Variants in GABRB2 observed in about 807,000 individuals in gnomAD.
GABRB2 encodes gamma-aminobutyric acid type A receptor subunit beta2, also known as gamma-aminobutyric acid receptor subunit beta-2.
Under a neutral mutation model 54.7 loss-of-function variants are expected in GABRB2, and 16 were observed. The observed-to-expected ratio is 0.29, with a 90% CI of 0.20 to 0.44. The LOEUF (loss-of-function observed/expected upper bound fraction) is 0.44, where lower values mean the gene tolerates loss of function less well. GABRB2 is among the 20% of genes least tolerant of loss of function. The pLI, the probability that GABRB2 is intolerant of heterozygous loss-of-function variation, is 1.00. For missense variants in GABRB2, 355 were observed against 644.0 expected (o/e 0.55, Z 4.86); for synonymous variants, 244 against 233.8 (o/e 1.04, Z -0.40).
intron 4 of GABRB2, among the ~76,000 whole-genome samples, chr5:161,416,066 G>A (rs556957186): frequency 2.0e-4 from 31 of 152,262 alleles, no homozygotes; most frequent in African/African-American, 6.5e-4. Flanking sequence ...AGCCTTGTAA[G>A]TAGCTGGAAC....
intron 9 of GABRB2, among the ~76,000 whole-genome samples, chr5:161,311,974 C>G (rs577276739): frequency 6.6e-6 from 1 of 152,118 alleles, no homozygotes; most frequent in East Asian, 1.9e-4. Context: ...GCTAAATGGT[C>G]TTCATCTATT....
chr5:161,489,160 G>C (rs184368370), intron 3 of GABRB2, among the ~76,000 whole-genome samples: 53 of 151,776 alleles, frequency 3.5e-4, no homozygotes, highest in African/African-American at 1.3e-3. Context: ...ATAAGTAATA[G>C]ATTTTCTAAT....
chr5:161,460,648 T>C (rs1758097240), intron 3 of GABRB2, among the ~76,000 whole-genome samples: 1 of 152,140 alleles, frequency 6.6e-6, no homozygotes, highest in Admixed American at 6.6e-5. Flanking sequence ...CAATTCATTC[T>C]TCCATTCATT....
intron 8 of GABRB2, chr5:161,326,836 G>T: frequency 3.8e-6 from 1 of 263,826 alleles, no homozygotes; most frequent in Non-Finnish European, 5.9e-6. Flanking sequence ...GAAAACTGTT[G>T]GCTGCAGGTG....
At chr5:161,473,654 C>G (rs2113303982) in intron 3 of GABRB2, among the ~76,000 whole-genome samples, 1 of 152,066 alleles carries the variant, frequency 6.6e-6, no homozygotes, top group South Asian at 2.1e-4. Context: ...GCATCCTCTG[C>G]CTCTCTCCTG....
chr5:161,490,176 T>A (rs1356133521), intron 3 of GABRB2, among the ~76,000 whole-genome samples: 1 of 151,754 alleles, frequency 6.6e-6, no homozygotes, highest in Non-Finnish European at 1.5e-5. Flanking sequence ...GCCTTAACAA[T>A]TTCACAAATT....
At chr5:161,318,850 TA>T (rs945847836) in intron 9 of GABRB2, among the ~76,000 whole-genome samples, 2 of 151,968 alleles carry the variant, frequency 1.3e-5, no homozygotes, top group African/African-American at 4.8e-5. Context: ...AAAAATACTT[TA>T]AAAAAACACA....
At chr5:161,507,500 G>C (rs972051843) in intron 3 of GABRB2, among the ~76,000 whole-genome samples, 33 of 152,114 alleles carry the variant, frequency 2.2e-4, no homozygotes, top group Admixed American at 1.8e-3. Context: ...AGGATAAAAG[G>C]CTGTTATGAA....
chr5:161,377,551 AT>A (rs2113477751), intron 5 of GABRB2, among the ~76,000 whole-genome samples: 1 of 152,296 alleles, frequency 6.6e-6, no homozygotes, highest in African/African-American at 2.4e-5. Context: ...TGAAGGTTTT[AT>A]AAAAAGAAAA....
intron 3 of GABRB2, among the ~76,000 whole-genome samples, chr5:161,507,586 A>G (rs752538318): frequency 1.8e-4 from 27 of 152,116 alleles, no homozygotes; most frequent in Non-Finnish European, 2.4e-4. Context: ...ACACACATGC[A>G]CACACATGCA....
chr5:161,478,729 T>C (rs1225579601), intron 3 of GABRB2, among the ~76,000 whole-genome samples: 1 of 152,046 alleles, frequency 6.6e-6, no homozygotes, highest in African/African-American at 2.4e-5. Flanking sequence ...TTCAGATAAA[T>C]ATGCCTTATT....
At chr5:161,404,259 T>C (rs2113091729) in intron 5 of GABRB2, among the ~76,000 whole-genome samples, 1 of 152,144 alleles carries the variant, frequency 6.6e-6, no homozygotes, top group Non-Finnish European at 1.5e-5. Context: ...TCCACAACAC[T>C]GGACACAATT....
At chr5:161,327,789 C>T (rs1758413195) in intron 8 of GABRB2, among the ~76,000 whole-genome samples, 1 of 152,094 alleles carries the variant, frequency 6.6e-6, no homozygotes, top group African/African-American at 2.4e-5. Flanking sequence ...AAAATTTAAT[C>T]CCACTCCTGA....
chr5:161,377,304 C>A (rs188862441), intron 5 of GABRB2, among the ~76,000 whole-genome samples: 96 of 152,180 alleles, frequency 6.3e-4, no homozygotes, highest in African/African-American at 2.2e-3. Flanking sequence ...AACAGGGCCT[C>A]TGTATCTTGA....
chr5:161,293,671 A>G lies in GABRB2; in HGVS notation c.*410T>C, dbSNP rs1182932961. 2.9e-5 allele frequency: 5 copies of G among 170,522 alleles called. No homozygotes were observed. Among genetic ancestry groups the G allele is most frequent in the Non-Finnish European group, 6.3e-5 (5 of 78,896 alleles). The allele number at this position is 170,522 out of a possible 1,614,324, so 10.6% of individuals were successfully genotyped here. On this transcript the variant is annotated 3_prime_UTR_variant, in exon 10 of 10. Coordinates refer to ENST00000393959, the MANE Select transcript of GABRB2 (RefSeq NM_001371727.1). The stretch of plus-strand genomic sequence containing the variant: ...TGCATGGCATTACAGATAATGTTTC[A>G]TAAGGACAATGCCATCTCAACAGCA...
At chr5:161,423,116 T>G (rs1423450757) in intron 4 of GABRB2, among the ~76,000 whole-genome samples, 2 of 152,152 alleles carry the variant, frequency 1.3e-5, no homozygotes, top group Admixed American at 6.5e-5. Flanking sequence ...AATTATTTAT[T>G]CATGTATTTG....
intron 9 of GABRB2, 34 bp downstream of exon 9, chr5:161,326,334 T>C: frequency 2.5e-6 from 4 of 1,605,500 alleles, no homozygotes; most frequent in Non-Finnish European, 3.4e-6. Context: ...CCAACAGAAA[T>C]ACAAATAAAT....
chr5:161,363,100 T>A (rs1580918354), intron 5 of GABRB2, among the ~76,000 whole-genome samples: 1 of 152,120 alleles, frequency 6.6e-6, no homozygotes, highest in East Asian at 1.9e-4. Context: ...GCGGCACTGT[T>A]CACAATAGCA....
intron 3 of GABRB2, among the ~76,000 whole-genome samples, chr5:161,490,062 C>T (rs1319488737): frequency 1.3e-5 from 2 of 151,582 alleles, no homozygotes; most frequent in Non-Finnish European, 3.0e-5. Context: ...AAAAAATCTG[C>T]CCTACATATA....
Sources: gnomAD v4.1 joint callset for allele counts (sites outside exome capture counted in the v4.1 genomes callset) on GRCh38, gnomAD v4.1.1 for gene constraint, MANE v1.5 for transcripts, NCBI Gene and HGNC (gene_info 2026-07-23, HGNC 2026-07-21) for gene names.